The following CALD1 variants were observed in gnomAD, a reference collection of about 807,000 sequenced individuals.
CALD1 encodes the protein caldesmon.
Under a neutral mutation model 99.9 loss-of-function variants are expected in CALD1, and 33 were observed. The observed-to-expected ratio is 0.33, with a 90% confidence interval of 0.25 to 0.44. CALD1 has a LOEUF of 0.44. CALD1 is among the 20% of genes least tolerant of loss of function. The pLI, the probability that CALD1 is intolerant of heterozygous loss-of-function variation, is 1.00. For missense variants in CALD1, 861 were observed against 962.1 expected, an observed-to-expected ratio of 0.89 and a Z score of 1.39; for synonymous variants, 310 against 325.0, an observed-to-expected ratio of 0.95 and a Z score of 0.50.
intron 7 of CALD1, among the ~76,000 whole-genome samples, chr7:134,943,114 G>A (rs1303597641): frequency 6.6e-6 from 1 of 152,200 alleles, no homozygotes; most frequent in East Asian, 1.9e-4. Context: ...GATTGAAGTA[G>A]AGAAGTATAG....
At chr7:134,767,660 C>T (rs938129048) in intron 1 of CALD1, among the ~76,000 whole-genome samples, 5 of 152,270 alleles carry the variant, frequency 3.3e-5, no homozygotes, top group East Asian at 3.9e-4. Flanking sequence ...TGAGCATGAA[C>T]GGGAAGAGGA....
chr7:134,842,569 G>C (rs534247822), intron 1 of CALD1, among the ~76,000 whole-genome samples: 1 of 152,224 alleles, frequency 6.6e-6, no homozygotes, highest in Non-Finnish European at 1.5e-5. Flanking sequence ...GGGTCTTCTT[G>C]TTAGTTATTT....
At chr7:134,826,522 A>G (rs1411354338) in intron 1 of CALD1, among the ~76,000 whole-genome samples, 1 of 152,102 alleles carries the variant, frequency 6.6e-6, no homozygotes, top group Non-Finnish European at 1.5e-5. Flanking sequence ...AGAGTTTGTG[A>G]CTTGCCTGAG....
upstream of CALD1, among the ~76,000 whole-genome samples, chr7:134,743,940 C>T (rs17791899): frequency 0.58 from 88,954 of 152,084 alleles, 26,776 homozygotes; most frequent in East Asian, 0.86. Context: ...GTTAATTTCC[C>T]CACTGAAGTC....
chr7:134,892,341 G>A (rs1802262002), intron 3 of CALD1, among the ~76,000 whole-genome samples: 1 of 152,184 alleles, frequency 6.6e-6, no homozygotes, highest in African/African-American at 2.4e-5. Flanking sequence ...ACAACAGTCG[G>A]TAGCAAAGCC....
Position 134,933,403 on chromosome 7 carries a change from G to C in CALD1, c.634G>C (p.Val212Leu), listed in dbSNP as rs1296311311. ...TGGAGAAAATCAGGTAGAGGTGATG[G>C]TGGAAGAGAAAACAACTGAAAGCCA... ...SIGENQVEVM[V>L]EEKTTESQEE... Residue 212 changes from valine to leucine, a missense_variant, in exon 5 of 15, where the codon GTG becomes CTG. Around this residue, in one of 5 missense-constraint regions of CALD1, gnomAD observed 234 missense variants for 233.1 expected, o/e 1.00. Transcript: ENST00000361675. The C allele has an allele frequency of 1.2e-6, 2 of 1,612,876 alleles. No individual in the cohort carries two copies. Among genetic ancestry groups the C allele is most frequent in the Non-Finnish European group, 1.7e-6 (2 of 1,179,328 alleles).
chr7:134,841,904 G>C (rs73150002), intron 1 of CALD1, among the ~76,000 whole-genome samples: 4,135 of 152,294 alleles, frequency 0.027, 101 homozygotes, highest in South Asian at 0.14. Flanking sequence ...GCTCTGCCTG[G>C]AACATGCTTC....
intron 9 of CALD1, among the ~76,000 whole-genome samples, chr7:134,952,473 C>CTTTTTTTTTTTTTT (rs747660510): frequency 7.1e-6 from 1 of 140,940 alleles, no homozygotes; most frequent in Non-Finnish European, 1.6e-5. Flanking sequence ...TTCCCTTAGT[C>CTTTTTTTTTTTTTT]TTTTTTTTTT....
intron 2 of CALD1, among the ~76,000 whole-genome samples, chr7:134,863,240 T>C (rs1010412050): frequency 2.6e-5 from 4 of 152,224 alleles, no homozygotes; most frequent in African/African-American, 4.8e-5. Context: ...TTTTCTGCTC[T>C]AAGAAATAAG....
intron 3 of CALD1, among the ~76,000 whole-genome samples, chr7:134,898,804 C>T (rs1444423918): frequency 1.3e-5 from 2 of 152,212 alleles, no homozygotes; most frequent in Non-Finnish European, 2.9e-5. Flanking sequence ...ATCCGCCAAC[C>T]TCAGCCTCCC....
At chr7:134,872,285 G>A (rs1801124469) in intron 3 of CALD1, among the ~76,000 whole-genome samples, 2 of 149,886 alleles carry the variant, frequency 1.3e-5, no homozygotes, top group South Asian at 4.2e-4. Context: ...TTGAACCTGG[G>A]AGGCAGAGGG....
Position 134,933,241 on chromosome 7 carries a change from GA to G in CALD1, c.475del (p.Arg159AspfsTer4). 6.2e-7 allele frequency: 1 copy of G among 1,608,878 alleles called. No homozygotes were observed. The highest frequency in any genetic ancestry group is 2.2e-5 in the East Asian group (1 of 44,694). On this transcript the variant is annotated frameshift_variant, in exon 5 of 15. Coordinates refer to ENST00000361675, the MANE Select transcript of CALD1 (RefSeq NM_033138.4). LOFTEE classifies it high-confidence loss of function. ...EKEEKSESRQ[E>X]RYEIEETETV... is the part of the protein sequence containing the mutation. ...GGAAGAAAAAAGTGAAAGTCGCCAA[GA>G]AAGATACGAGATAGAGGAAACAGAA...
At chr7:134,723,923 G>A in the CALD1 span, among the ~76,000 whole-genome samples, 1 of 152,216 alleles carries the variant, frequency 6.6e-6, no homozygotes, top group South Asian at 2.1e-4. Flanking sequence ...AGCCTGGATA[G>A]AGGAGGCGTT....
chr7:134,739,111 TA>T, the CALD1 span, among the ~76,000 whole-genome samples: 2 of 152,178 alleles, frequency 1.3e-5, no homozygotes, highest in African/African-American at 4.8e-5. Flanking sequence ...AGAAGCAACG[TA>T]AGTGGGGCAG....
At chr7:134,804,508 T>C (rs1000393761) in intron 1 of CALD1, among the ~76,000 whole-genome samples, 1 of 152,244 alleles carries the variant, frequency 6.6e-6, no homozygotes, top group Non-Finnish European at 1.5e-5. Context: ...TTCACAGTCA[T>C]CTGAGGCATT....
At chr7:134,858,145 T>G (rs549306809) in intron 2 of CALD1, among the ~76,000 whole-genome samples, 116 of 151,994 alleles carry the variant, frequency 7.6e-4, no homozygotes, top group African/African-American at 2.7e-3. Flanking sequence ...TACTTTTATG[T>G]AAAATATGGT....
At chr7:134,873,383 C>G (rs564984522) in intron 3 of CALD1, among the ~76,000 whole-genome samples, 1 of 152,272 alleles carries the variant, frequency 6.6e-6, no homozygotes, top group African/African-American at 2.4e-5. Context: ...TGTCTCTTCC[C>G]ATCTGCACTC....
At chr7:134,958,322 T>C (rs758304725) in intron 11 of CALD1, 32 bp downstream of exon 11, 2 of 1,522,108 alleles carry the variant, frequency 1.3e-6, no homozygotes, top group Non-Finnish European at 9.1e-7. Flanking sequence ...ATGGTCCTGC[T>C]GAACAGAAAT....
chr7:134,883,198 A>G (rs1441457797), intron 3 of CALD1, among the ~76,000 whole-genome samples: 1 of 152,178 alleles, frequency 6.6e-6, no homozygotes, highest in Non-Finnish European at 1.5e-5. Context: ...AGTCAGAAGG[A>G]AAGGTAATTT....
Sources: allele counts gnomAD v4.1 joint callset (sites outside exome capture counted in the v4.1 genomes callset), GRCh38; gene constraint gnomAD v4.1.1; regional missense constraint gnomAD v4.1.1; transcripts MANE v1.5; gene names NCBI Gene and HGNC (gene_info 2026-07-23, HGNC 2026-07-21).